SPDYE5: variants seen among roughly 807,000 people sequenced by gnomAD.
The protein encoded by SPDYE5 is speedy/RINGO cell cycle regulator family member E5, also known as speedy protein E5.
SPDYE5 carries 15 observed loss-of-function variants against 48.5 expected under a neutral mutation model. That is an observed-to-expected ratio of 0.31 (90% CI 0.21 to 0.48). The LOEUF is 0.48. SPDYE5 is among the 20% of genes least tolerant of loss of function. The probability of loss-of-function intolerance (pLI) is 0.99; values close to 1 mark genes in which losing one functional copy is unlikely to be tolerated. For synonymous variants in SPDYE5, 116 were observed against 200.7 expected, an observed-to-expected ratio of 0.58 and a Z score of 3.57; for missense variants, 331 against 549.1, an observed-to-expected ratio of 0.60 and a Z score of 3.97.
chr7:75,497,246 T>C (rs1356002199), intron 4 of SPDYE5, among the ~76,000 whole-genome samples: 7 of 151,830 alleles, frequency 4.6e-5, no homozygotes, highest in Admixed American at 3.3e-4. Flanking sequence ...CACTCCAGCC[T>C]GGGTGACAGA....
rs1175143877 is a variant in SPDYE5 at position 75,496,404 on chromosome 7, C to CA, written c.380-250dup. ...TGTTTCTCAACAACAACAACAACAACAAAAAAAAAAAAAAAAAAAAGGGAC... is the reference window on the plus strand; with the variant it reads ...TGTTTCTCAACAACAACAACAACAACAAAAAAAAAAAAAAAAAAAAAGGGAC... On this transcript the variant is annotated intron_variant, in intron 3 of 8. Coordinates refer to ENST00000625065, the MANE Select transcript of SPDYE5 (RefSeq NM_001306141.4). Among the ~76,000 whole-genome samples the CA allele has an allele frequency of 4.6e-3, 126 of 27,462 alleles. 1 individual carries two copies. Among genetic ancestry groups the CA allele is most frequent in the East Asian group, 0.037 (10 of 268 alleles). 18.0% of individuals were successfully genotyped at this position (27,462 alleles called of 152,430 possible).
chr7:75,498,381 C>G (rs1793016914), intron 5 of SPDYE5, among the ~76,000 whole-genome samples: 1 of 151,978 alleles, frequency 6.6e-6, no homozygotes, highest in South Asian at 2.1e-4. Context: ...GCCTTGGCCT[C>G]CCAAAGTGCT....
In SPDYE5 at chr7:75,496,738, G is replaced by T. The variant is rs1477107961; in HGVS notation, c.444G>T (p.Trp148Cys). The change falls in exon 4 of 9, where the codon TGG becomes TGT. Residue 148 changes from tryptophan (W) to cysteine (C), a missense_variant. Physicochemically the swap from Trp to Cys is radical, Grantham distance 215 (BLOSUM62 -2). Around this residue, in one of 8 missense-constraint regions of SPDYE5, gnomAD observed 65 missense variants for 138.2 expected, o/e 0.47. Coordinates refer to ENST00000625065, the MANE Select transcript of SPDYE5 (RefSeq NM_001306141.4). ...GCTGGAAAAGGAAGATGGAGTGGTG[G>T]GACGAATCTGAGGAGTCGTTGGAGG... ...SFCWKRKMEW[W>C]DESEESLEEE... 4.4e-6 allele frequency: 7 copies of T among 1,591,476 alleles called. No individual in the cohort carries two copies. Among genetic ancestry groups the T allele is most frequent in the Non-Finnish European group, 5.1e-6 (6 of 1,177,306 alleles).
In SPDYE5 at chr7:75,501,607, T is replaced by C. The variant is rs1554483546; in HGVS notation, c.1001T>C (p.Leu334Pro). Residue 334 changes from leucine (L) to proline (P), a missense_variant, in exon 7 of 9, where the codon CTC becomes CCC. Around this residue, in one of 8 missense-constraint regions of SPDYE5, gnomAD observed 101 missense variants for 104.0 expected, o/e 0.97. Coordinates refer to ENST00000625065, the MANE Select transcript of SPDYE5 (RefSeq NM_001306141.4). Reference protein sequence around the residue: ...ARKNRSRIPLLRKRRFQLGRS... With the variant: ...ARKNRSRIPLPRKRRFQLGRS... ...AAGAACCGCTCTCGCATACCCTTGC[T>C]CCGTAAGCGTCGGTTCCAGTTAGGC... 9 of 1,611,394 alleles carry C rather than the reference T, an allele frequency of 5.6e-6. No homozygotes were observed. In the Admixed American group the frequency reaches 6.7e-5, roughly 12 times the overall value.
intron 1 of SPDYE5, among the ~76,000 whole-genome samples, chr7:75,493,233 G>A (rs1177156040): frequency 4.0e-5 from 6 of 151,284 alleles, no homozygotes; most frequent in South Asian, 2.1e-4. Flanking sequence ...TTTCTTAGCC[G>A]AACTGGAGGG....
chr7:75,494,312 G>T (rs1318760249), intron 2 of SPDYE5, 105 bp downstream of exon 2: 3 of 1,449,258 alleles, frequency 2.1e-6, no homozygotes, highest in East Asian at 2.5e-5. Flanking sequence ...TTGGGAGGCC[G>T]AGGCGGGCGG....
At chr7:75,500,645 C>A (rs1793109919) in intron 6 of SPDYE5, among the ~76,000 whole-genome samples, 1 of 151,392 alleles carries the variant, frequency 6.6e-6, no homozygotes, top group South Asian at 2.1e-4. Flanking sequence ...GCGATCCTCC[C>A]ACCTCAGCTT....
Position 75,503,999 on chromosome 7 carries a change from A to G in SPDYE5, c.*1212A>G, listed in dbSNP as rs1423654726. 6.6e-6 allele frequency: 1 copy of G among 152,022 alleles called. No homozygotes were observed. Among genetic ancestry groups the G allele is most frequent in the East Asian group, 1.9e-4 (1 of 5,182 alleles). The allele number at this position is 152,022 out of a possible 1,614,324, so 9.4% of individuals were successfully genotyped here. A position where few individuals can be genotyped will look rare whatever the true frequency, so the allele number is the denominator to read the frequency against. ...CTTTTACCTTTCAATCTTTGTATCTATTATTACACGTGTTGCTGAAGGGAG... is the reference window on the plus strand; with the variant it reads ...CTTTTACCTTTCAATCTTTGTATCTGTTATTACACGTGTTGCTGAAGGGAG... On this transcript the variant is annotated 3_prime_UTR_variant, in exon 9 of 9. Transcript: ENST00000625065.
chr7:75,501,446 C>G lies in SPDYE5; in HGVS notation c.840C>G (p.Arg280=). Reference sequence around the variant, plus strand: ...TCCTGTATGGGAAGAACCGCTCTCGCATACCCTTGCTCCGTAAGCGTTGGT... The same window carrying G: ...TCCTGTATGGGAAGAACCGCTCTCGGATACCCTTGCTCCGTAAGCGTTGGT... ...FHFLYGKNRS[R]IPLLRKRWFQ... Residue 280 remains arginine (R), a synonymous_variant, in exon 7 of 9, where the codon CGC becomes CGG. Coordinates refer to ENST00000625065, the MANE Select transcript of SPDYE5 (RefSeq NM_001306141.4). The G allele has an allele frequency of 6.2e-7, 1 of 1,610,806 alleles. No individual in the cohort carries two copies.
At chr7:75,499,766 C>CA (rs1207603153) in intron 6 of SPDYE5, among the ~76,000 whole-genome samples, 955 of 17,864 alleles carry the variant, frequency 0.053, 89 homozygotes, top group Non-Finnish European at 0.069. Flanking sequence ...GACTTTTTCT[C>CA]AAAAAAAAAA....
At position 75,494,165 on chromosome 7, in the gene SPDYE5, C is replaced by T. The variant is rs1248569921; in HGVS notation, c.118C>T (p.Pro40Ser). 49 of 1,534,948 alleles carry T rather than the reference C, an allele frequency of 3.2e-5. No individual in the cohort carries two copies. Among genetic ancestry groups the T allele is most frequent in the East Asian group, 7.3e-5 (3 of 40,900 alleles). ...TCCCCAGCGGAGCACCTCGGGGTAC[C>T]CCCTCCAGGAGGTGGTGGATGATGA... ...QSPQRSTSGY[P>S]LQEVVDDEVL... Residue 40 changes from proline (P) to serine (S), a missense_variant, in exon 2 of 9, where the codon CCC becomes TCC. Coordinates refer to ENST00000625065, the MANE Select transcript of SPDYE5 (RefSeq NM_001306141.4).
intron 6 of SPDYE5, among the ~76,000 whole-genome samples, chr7:75,500,748 T>C (rs1793115182): frequency 6.6e-6 from 1 of 152,162 alleles, no homozygotes; most frequent in Non-Finnish European, 1.5e-5. Context: ...TTGCTCTGCC[T>C]CTCAGGCTGG....
At chr7:75,495,764 G>C (rs587631027) in intron 3 of SPDYE5, among the ~76,000 whole-genome samples, 7 of 152,230 alleles carry the variant, frequency 4.6e-5, no homozygotes, top group African/African-American at 1.4e-4. Flanking sequence ...CGAAGGCCGG[G>C]TGTGGTAGCT....
chr7:75,501,790 A>T (rs782139877), intron 7 of SPDYE5, 35 bp downstream of exon 7: 2 of 1,609,570 alleles, frequency 1.2e-6, no homozygotes, highest in East Asian at 4.5e-5. Context: ...GGAGGTGGGG[A>T]GGAATCGGGT....
chr7:75,499,533 G>A (rs1159629450), intron 6 of SPDYE5, among the ~76,000 whole-genome samples: 2 of 151,964 alleles, frequency 1.3e-5, no homozygotes, highest in African/African-American at 2.4e-5. Flanking sequence ...TTGGGAGGCC[G>A]AGGCAGGCGG....
At position 75,499,850 on chromosome 7, in the gene SPDYE5, C is replaced by G. The variant is rs868910882; in HGVS notation, c.755+534C>G. On this transcript the variant is annotated intron_variant, in intron 6 of 8. Transcript: ENST00000625065. The stretch of plus-strand genomic sequence containing the variant: ...AAATAAAAGAATAAAACAAAAGGAA[C>G]CATAAACCGCTCCTAAGGGGAAAAG... 1.8e-3 allele frequency among the ~76,000 whole-genome samples: 231 copies of G among 127,638 alleles called. 2 individuals are homozygous for G. The Middle Eastern group carries it at 0.031, about 17-fold the overall frequency. The allele number at this position is 127,638 out of a possible 152,430, so 83.7% of individuals were successfully genotyped here.
At chr7:75,496,388 A>G (rs1165800392) in intron 3 of SPDYE5, among the ~76,000 whole-genome samples, 2 of 80,212 alleles carry the variant, frequency 2.5e-5, no homozygotes, top group African/African-American at 8.8e-5. Context: ...CTGTTTCTCA[A>G]CAACAACAAC....
At chr7:75,496,428 A>C (rs1554482559) in intron 3 of SPDYE5, among the ~76,000 whole-genome samples, 3 of 117,922 alleles carry the variant, frequency 2.5e-5, no homozygotes, top group South Asian at 3.4e-4. Context: ...AAAAAAAGGG[A>C]CTCAGAGAGC....
chr7:75,496,382 T>C lies in SPDYE5; in HGVS notation c.380-292T>C, dbSNP rs1292577053. ...AGCCTAGGCCACAAAGCAAGACTGTTTCTCAACAACAACAACAACAACAAA... is the reference window on the plus strand; with the variant it reads ...AGCCTAGGCCACAAAGCAAGACTGTCTCTCAACAACAACAACAACAACAAA... On this transcript the variant is annotated intron_variant, in intron 3 of 8. Transcript: ENST00000625065. Among the ~76,000 whole-genome samples the C allele has an allele frequency of 9.3e-5, 12 of 129,436 alleles. No individual in the cohort carries two copies. The East Asian group carries it at 2.4e-3, about 26-fold the overall frequency. The allele number at this position is 129,436 out of a possible 152,430, so 84.9% of individuals were successfully genotyped here.
Sources: allele counts gnomAD v4.1 joint callset (sites outside exome capture counted in the v4.1 genomes callset), GRCh38; gene constraint gnomAD v4.1.1; regional missense constraint gnomAD v4.1.1; transcripts MANE v1.5; gene names NCBI Gene and HGNC (gene_info 2026-07-23, HGNC 2026-07-21).